The following EWSR1 variants were observed in gnomAD, a reference collection of about 807,000 sequenced individuals.
EWSR1 encodes the protein EWS RNA binding protein 1, also known as RNA-binding protein EWS.
Under a neutral mutation model 92.1 loss-of-function variants are expected in EWSR1, and 14 were observed. That is an observed-to-expected ratio of 0.15 (90% confidence interval 0.10 to 0.24). The LOEUF is 0.24. Among genes scored for constraint, EWSR1 ranks in the 10% least tolerant of loss-of-function variants. The pLI is 1.00. For missense variants in EWSR1, 637 were observed against 870.9 expected, an observed-to-expected ratio of 0.73 and a Z score of 3.38; for synonymous variants, 303 against 292.9, an observed-to-expected ratio of 1.03 and a Z score of -0.35.
intron 11 of EWSR1, among the ~76,000 whole-genome samples, chr22:29,294,014 G>A (rs1432930493): frequency 3.3e-5 from 5 of 151,754 alleles, no homozygotes; most frequent in Admixed American, 6.6e-5. Context: ...AATTACAGGC[G>A]CCTGCCAGCA....
At chr22:29,268,510 C>T (rs2058319676) in intron 1 of EWSR1, among the ~76,000 whole-genome samples, 161 bp downstream of exon 1, 2 of 152,210 alleles carry the variant, frequency 1.3e-5, no homozygotes, top group African/African-American at 4.8e-5. Context: ...ATTCCTCTCC[C>T]CTCCCCCAAC....
chr22:29,286,152 T>G (rs1455862504), intron 6 of EWSR1, among the ~76,000 whole-genome samples: 1 of 151,054 alleles, frequency 6.6e-6, no homozygotes, highest in Non-Finnish European at 1.5e-5. Context: ...TTTTTTGGGT[T>G]TTTTTTTGGA....
intron 11 of EWSR1, chr22:29,295,703 T>C: frequency 4.5e-6 from 1 of 223,564 alleles, no homozygotes; most frequent in Non-Finnish European, 8.9e-6. Context: ...GAAGATATTC[T>C]TATACAAGGT....
intron 11 of EWSR1, chr22:29,295,661 C>G (rs1020833327): frequency 4.5e-6 from 1 of 222,716 alleles, no homozygotes; most frequent in Non-Finnish European, 9.0e-6. Flanking sequence ...CTAAACTGAT[C>G]GTGTGCATAT....
At chr22:29,288,883 G>C in intron 8 of EWSR1, 97 bp downstream of exon 8, 6 of 1,172,014 alleles carry the variant, frequency 5.1e-6, no homozygotes, top group South Asian at 5.1e-5. Context: ...ATTAATTTCT[G>C]CATTTCCATG....
In EWSR1 at chr22:29,273,727, T is replaced by G. The variant is rs1487275790; in HGVS notation, c.103-14T>G. On this transcript the variant is annotated splice_polypyrimidine_tract_variant and intron_variant, in intron 3 of 16. Coordinates refer to ENST00000397938, the MANE Select transcript of EWSR1 (RefSeq NM_005243.4). ...CATGTATGAAGTTCTTGCATTCGTT[T>G]TTTTTTGGAGCAGGCATATGGGCAA... 1 of 1,602,152 alleles carries G rather than the reference T, an allele frequency of 6.2e-7. No homozygotes were observed. The highest frequency in any genetic ancestry group is 1.8e-5 in the Admixed American group (1 of 56,986).
At chr22:29,275,231 C>T (rs2059011802) in intron 4 of EWSR1, among the ~76,000 whole-genome samples, 1 of 152,180 alleles carries the variant, frequency 6.6e-6, no homozygotes, top group Non-Finnish European at 1.5e-5. Flanking sequence ...AAAGCCATTA[C>T]ATTTTTTAAA....
intron 1 of EWSR1, among the ~76,000 whole-genome samples, chr22:29,270,143 A>G (rs908377315): frequency 1.3e-5 from 2 of 152,194 alleles, no homozygotes; most frequent in African/African-American, 2.4e-5. Flanking sequence ...GTGAAGCTCA[A>G]CTCAGGTAGT....
At chr22:29,293,760 T>C (rs2060625328) in intron 11 of EWSR1, among the ~76,000 whole-genome samples, 1 of 152,066 alleles carries the variant, frequency 6.6e-6, no homozygotes, top group African/African-American at 2.4e-5. Context: ...AGATGGGGTT[T>C]GGTGAAACCA....
chr22:29,297,804 G>A, intron 12 of EWSR1, 23 bp from the exon 13 acceptor site: 1 of 1,613,258 alleles, frequency 6.2e-7, no homozygotes, highest in Non-Finnish European at 8.5e-7. Flanking sequence ...GGGAGTAATT[G>A]ATGTTCTGTT....
rs72547439 is a variant in EWSR1 at position 29,289,310 on chromosome 22, T to C, written c.974+524T>C. 641 of 229,992 alleles carry C rather than the reference T, an allele frequency of 2.8e-3. 17 individuals are homozygous for C. The East Asian group carries it at 0.035, about 13-fold the overall frequency. 14.2% of individuals were successfully genotyped at this position (229,992 alleles called of 1,614,324 possible). On this transcript the variant is annotated intron_variant, in intron 8 of 16. Transcript: ENST00000397938. The stretch of plus-strand genomic sequence containing the variant: ...ATAGCCTGAGGTGCACCTGATTACA[T>C]AGAGTTTGGATGGAGCAAAGAAAAA...
intron 11 of EWSR1, among the ~76,000 whole-genome samples, chr22:29,293,698 A>G (rs1278131729): frequency 6.6e-6 from 1 of 151,508 alleles, no homozygotes; most frequent in Non-Finnish European, 1.5e-5. Flanking sequence ...CTGAGTAGCT[A>G]GGATTACAGG....
Position 29,285,366 on chromosome 22 carries a change from C to T in EWSR1, c.582-1557C>T, listed in dbSNP as rs1214499713. On this transcript the variant is annotated intron_variant, in intron 6 of 16. Transcript: ENST00000397938. ...CAAACTCCTGACCTCAGGTGATCCA[C>T]CTGCCTTGGCCTCCCAAAGTGCTGG... Among the ~76,000 whole-genome samples, 3 of 151,114 alleles carry T rather than the reference C, an allele frequency of 2.0e-5. 1 individual carries two copies. The highest frequency in any genetic ancestry group is 7.4e-5 in the African/African-American group (3 of 40,416).
At chr22:29,281,126 G>T (rs188676196) in intron 5 of EWSR1, among the ~76,000 whole-genome samples, 281 of 151,982 alleles carry the variant, frequency 1.8e-3, no homozygotes, top group Middle Eastern at 6.8e-3. Context: ...TGATCCTCCT[G>T]TCTCAGCCTC....
chr22:29,270,883 A>G (rs1397349856), intron 1 of EWSR1, among the ~76,000 whole-genome samples: 1 of 152,156 alleles, frequency 6.6e-6, no homozygotes, highest in Admixed American at 6.5e-5. Flanking sequence ...TCATGAACAG[A>G]TTATTTTTTT....
At chr22:29,295,786 T>C (rs1451173919) in intron 11 of EWSR1, 1 of 227,030 alleles carries the variant, frequency 4.4e-6, no homozygotes, top group Non-Finnish European at 8.8e-6. Flanking sequence ...CTGGAGGAAG[T>C]AGTGGCTGTG....
Position 29,280,302 on chromosome 22 carries a change from A to G in EWSR1, c.413+2086A>G, listed in dbSNP as rs371855777. On this transcript the variant is annotated intron_variant, in intron 5 of 16. Transcript: ENST00000397938. The stretch of plus-strand genomic sequence containing the variant: ...AGGCTGGTCTCGAACTCGTGACCTC[A>G]AGTGATCCGCCTGCCTTGGCCTCCC... Among the ~76,000 whole-genome samples the G allele has an allele frequency of 1.9e-3, 295 of 152,282 alleles. 1 individual carries two copies. Among genetic ancestry groups the G allele is most frequent in the African/African-American group, 6.7e-3 (277 of 41,562 alleles).
Position 29,292,110 on chromosome 22 carries a change from T to A in EWSR1, c.1013-27T>A, listed in dbSNP as rs964543098. ...GCTTGCAAGACGTGCACTAATAATA[T>A]TTTATATGATCTTTCCTGGTTGGCA... On this transcript the variant is annotated intron_variant, in intron 9 of 16. Transcript: ENST00000397938. 3.1e-6 allele frequency: 5 copies of A among 1,610,280 alleles called. 1 individual carries two copies. The highest frequency in any genetic ancestry group is 1.1e-5 in the South Asian group (1 of 90,994).
At position 29,290,484 on chromosome 22, in the gene EWSR1, A is replaced by C. The variant is rs368310856; in HGVS notation, c.975-1078A>C. 5.6e-6 allele frequency: 9 copies of C among 1,613,574 alleles called. No individual in the cohort carries two copies. The African/African-American group carries it at 1.1e-4, about 19-fold the overall frequency. On this transcript the variant is annotated intron_variant, in intron 8 of 16. Transcript: ENST00000397938. ...CCGTACTCAGTACTCAGCCGGCAGC[A>C]TAATGAAAAGTGGGACTAGACACGG...
Sources: gnomAD v4.1 joint callset for allele counts (sites outside exome capture counted in the v4.1 genomes callset) on GRCh38, gnomAD v4.1.1 for gene constraint, MANE v1.5 for transcripts, NCBI Gene and HGNC (gene_info 2026-07-23, HGNC 2026-07-21) for gene names.